Variants in CNTNAP2 observed in about 807,000 individuals in gnomAD.
CNTNAP2 encodes contactin-associated protein-like 2.
A neutral mutation model predicts 155.2 loss-of-function variants in CNTNAP2; 98 were observed. The ratio of observed to expected loss-of-function variants is 0.63; its 90% CI spans 0.54 to 0.75. CNTNAP2 has a LOEUF of 0.75. CNTNAP2 is among the 30% of genes least tolerant of loss of function. CNTNAP2 has a pLI of 0.00. For missense variants in CNTNAP2, 1,727 were observed against 1,688.1 expected (o/e 1.02, Z -0.40); for synonymous variants, 651 against 631.2 (o/e 1.03, Z -0.47).
At chr7:146,460,824 G>A (rs1245459937) in intron 1 of CNTNAP2, among the ~76,000 whole-genome samples, 2 of 152,162 alleles carry the variant, frequency 1.3e-5, no homozygotes, top group African/African-American at 4.8e-5. Context: ...GGGGTATAGG[G>A]CAGGGAATGG....
chr7:147,467,319 A>G (rs1798138089), intron 10 of CNTNAP2, among the ~76,000 whole-genome samples: 2 of 152,234 alleles, frequency 1.3e-5, no homozygotes, highest in African/African-American at 4.8e-5. Context: ...AGGCATTCGG[A>G]AGAATAAACC....
At chr7:147,500,707 C>T (rs1798794102) in intron 11 of CNTNAP2, among the ~76,000 whole-genome samples, 1 of 152,062 alleles carries the variant, frequency 6.6e-6, no homozygotes, top group Non-Finnish European at 1.5e-5. Context: ...CATACAAAGC[C>T]CTTGCTACAT....
At chr7:147,924,382 G>A (rs1459526258) in intron 14 of CNTNAP2, among the ~76,000 whole-genome samples, 2 of 151,866 alleles carry the variant, frequency 1.3e-5, no homozygotes, top group African/African-American at 2.4e-5. Context: ...CAGGTGATTC[G>A]CCTGCCTTGG....
At chr7:147,756,720 A>G (rs1272376579) in intron 13 of CNTNAP2, among the ~76,000 whole-genome samples, 1 of 152,222 alleles carries the variant, frequency 6.6e-6, no homozygotes, top group Non-Finnish European at 1.5e-5. Context: ...TCCTTCCTCT[A>G]AGACATCAGT....
intron 14 of CNTNAP2, among the ~76,000 whole-genome samples, chr7:147,919,459 C>CTTTCTTTTTTTTTTTTGTTTTTTTTT (rs58537091): frequency 2.0e-5 from 1 of 51,240 alleles, no homozygotes; most frequent in African/African-American, 1.1e-4. Flanking sequence ...CTTTTTCTTT[C>CTTTCTTTTTTTTTTTTGTTTTTTTTT]TTTTTTTTTT....
chr7:146,714,152 G>A (rs1212288297), intron 1 of CNTNAP2, among the ~76,000 whole-genome samples: 1 of 152,126 alleles, frequency 6.6e-6, no homozygotes, highest in Non-Finnish European at 1.5e-5. Context: ...CGTGACGCAT[G>A]ATCATGGCTA....
chr7:147,925,121 A>G (rs576130583), intron 14 of CNTNAP2, among the ~76,000 whole-genome samples: 2 of 79,084 alleles, frequency 2.5e-5, no homozygotes, highest in Admixed American at 1.7e-4. Flanking sequence ...TCCATCAGAA[A>G]GAGAGAAAGA....
intron 1 of CNTNAP2, among the ~76,000 whole-genome samples, chr7:146,451,814 A>T (rs994814539): frequency 1.3e-5 from 1 of 74,200 alleles, no homozygotes; most frequent in Non-Finnish European, 2.5e-5. Flanking sequence ...TCTTCTATAT[A>T]TATATATACG....
intron 3 of CNTNAP2, among the ~76,000 whole-genome samples, chr7:146,912,832 C>T (rs1012262431): frequency 1.3e-5 from 2 of 152,114 alleles, no homozygotes; most frequent in African/African-American, 4.8e-5. Flanking sequence ...AATGACTTTT[C>T]TTTTAGAATA....
At chr7:146,443,206 T>A (rs1796351163) in intron 1 of CNTNAP2, among the ~76,000 whole-genome samples, 1 of 148,664 alleles carries the variant, frequency 6.7e-6, no homozygotes, top group African/African-American at 2.5e-5. Context: ...AGAGCGAGAC[T>A]CCGTCTCTAA....
rs957373039 is a variant in CNTNAP2, at chr7:146,132,488, A to G, written c.97+15515A>G. On this transcript the variant is annotated intron_variant, in intron 1 of 23. Transcript: ENST00000361727. The stretch of plus-strand genomic sequence containing the variant: ...GTGCAGGTTAGTTACATATGTATAC[A>G]TGTGCCATGCTGGTGCACTGCACCA... 4.7e-4 allele frequency among the ~76,000 whole-genome samples: 72 copies of G among 151,782 alleles called. 1 individual carries two copies. The highest frequency in any genetic ancestry group is 1.7e-3 in the African/African-American group (71 of 41,408).
intron 2 of CNTNAP2, among the ~76,000 whole-genome samples, chr7:146,817,802 A>C (rs1275138668): frequency 6.6e-6 from 1 of 152,140 alleles, no homozygotes; most frequent in Non-Finnish European, 1.5e-5. Context: ...ATCACCTCTC[A>C]CCAGGCTTCA....
chr7:147,590,396 A>G (rs1425230213), intron 12 of CNTNAP2, among the ~76,000 whole-genome samples: 7 of 152,080 alleles, frequency 4.6e-5, no homozygotes, highest in Non-Finnish European at 8.8e-5. Context: ...TGTTCTTGTG[A>G]CAGTGAGTTC....
intron 1 of CNTNAP2, among the ~76,000 whole-genome samples, chr7:146,609,292 A>G (rs939452139): frequency 6.6e-6 from 1 of 152,164 alleles, no homozygotes; most frequent in Non-Finnish European, 1.5e-5. Flanking sequence ...CACCCACCCC[A>G]TAGCTGCAGT....
intron 2 of CNTNAP2, among the ~76,000 whole-genome samples, chr7:146,801,050 AAAG>A (rs1802868332): frequency 6.6e-6 from 1 of 152,152 alleles, no homozygotes; most frequent in Non-Finnish European, 1.5e-5. Flanking sequence ...GGTAATTTAT[AAAG>A]AAAAGAGATT....
chr7:147,769,314 G>A (rs536454281), intron 13 of CNTNAP2, among the ~76,000 whole-genome samples: 3 of 152,166 alleles, frequency 2.0e-5, no homozygotes, highest in Non-Finnish European at 2.9e-5. Context: ...TACTATGTTC[G>A]CTGGGAGCTG....
At chr7:146,306,124 T>C (rs928677606) in intron 1 of CNTNAP2, among the ~76,000 whole-genome samples, 7 of 152,102 alleles carry the variant, frequency 4.6e-5, no homozygotes, top group African/African-American at 1.7e-4. Flanking sequence ...AACACCTCTA[T>C]GCAAATAACC....
chr7:147,879,013 A>G (rs1799472842), intron 13 of CNTNAP2, among the ~76,000 whole-genome samples: 1 of 152,160 alleles, frequency 6.6e-6, no homozygotes, highest in African/African-American at 2.4e-5. Context: ...TTTATTACTA[A>G]CCATAGTTGT....
At chr7:147,709,617 T>C (rs762466630) in intron 13 of CNTNAP2, among the ~76,000 whole-genome samples, 1 of 152,168 alleles carries the variant, frequency 6.6e-6, no homozygotes, top group Non-Finnish European at 1.5e-5. Flanking sequence ...CTATAAACAC[T>C]GTTCCTCTGG....
Sources: gnomAD v4.1 joint callset for allele counts (sites outside exome capture counted in the v4.1 genomes callset) on GRCh38, gnomAD v4.1.1 for gene constraint, MANE v1.5 for transcripts, NCBI Gene and HGNC (gene_info 2026-07-23, HGNC 2026-07-21) for gene names.